Variants in RDX observed in about 807,000 individuals in gnomAD.
RDX encodes radixin, also known as deafness, autosomal recessive 24.
In RDX, 32 loss-of-function variants were observed where a neutral mutation model predicts 83.7. The observed-to-expected ratio is 0.38, with a 90% CI of 0.29 to 0.51. The LOEUF (loss-of-function observed/expected upper bound fraction) is 0.51. Ranked by LOEUF, RDX falls within the 20% of genes least tolerant of loss-of-function variation. RDX has a pLI of 0.87. For synonymous variants in RDX, 229 were observed against 222.7 expected, an observed-to-expected ratio of 1.03 and a Z score of -0.25; for missense variants, 600 against 689.9, an observed-to-expected ratio of 0.87 and a Z score of 1.46.
chr11:110,294,395 G>C (rs1319980471), intron 1 of RDX, among the ~76,000 whole-genome samples: 1 of 152,128 alleles, frequency 6.6e-6, no homozygotes, highest in African/African-American at 2.4e-5. Flanking sequence ...TGGGCTAACT[G>C]GATTAAAATA....
At chr11:110,290,970 T>C (rs1162675431) in intron 1 of RDX, among the ~76,000 whole-genome samples, 2 of 152,142 alleles carry the variant, frequency 1.3e-5, no homozygotes, top group East Asian at 1.9e-4. Flanking sequence ...CATATGACTA[T>C]CTGTAATGGA....
intron 15 of RDX, chr11:110,185,670 ACCACCTTCATCCTTGATAAAG>A (rs1299894849): frequency 6.6e-6 from 1 of 152,256 alleles, no homozygotes; most frequent in Admixed American, 6.5e-5. Flanking sequence ...AAGCTGTCAG[ACCACCTTCATCCTTGATAAAG>A]CTAGCACTAG....
At chr11:110,195,115 C>T (rs543552107) in intron 15 of RDX, among the ~76,000 whole-genome samples, 9 of 152,106 alleles carry the variant, frequency 5.9e-5, no homozygotes, top group Admixed American at 1.3e-4. Flanking sequence ...CTCAGCCTCC[C>T]GAGTAGCTGG....
chr11:110,280,484 A>C lies in RDX; in HGVS notation c.-64-728T>G, dbSNP rs527806160. 3.9e-5 allele frequency among the ~76,000 whole-genome samples: 6 copies of C among 152,354 alleles called. 1 individual carries two copies. The highest frequency in any genetic ancestry group is 1.4e-4 in the African/African-American group (6 of 41,586). ...AAGCTGTCTCAAACTCCTGGCCTCA[A>C]GCAATCCTCCCAACTGTGCCTCCCA... On this transcript the variant is annotated intron_variant, in intron 1 of 13. Transcript: ENST00000645495.
Position 110,237,587 on chromosome 11 carries a change from C to T in RDX, c.1156G>A (p.Ala386Thr). The T allele has an allele frequency of 2.5e-6, 4 of 1,614,178 alleles. No homozygotes were observed. The highest frequency in any genetic ancestry group is 1.7e-4 in the Middle Eastern group (1 of 6,048). ...DQERKRAKEE[A>T]ERLEKERRAA... ...CGACGCTCCTTTTCAAGTCGTTCTG[C>T]TTCTTCTTTTGCTCGTTTTCGTTCT... The change falls in exon 11 of 14, where the codon GCA (alanine) becomes ACA (threonine). Residue 386 changes from alanine (A) to threonine (T), a missense_variant. Ala to Thr is a moderately conservative substitution (Grantham distance 58, BLOSUM62 0). Transcript: ENST00000645495.
At position 110,242,697 on chromosome 11, in the gene RDX, G is replaced by A. The variant is rs546394263; in HGVS notation, c.1090+5006C>T. ...TATAAAAGTGTAAGTTTTAAAAAAT[G>A]TTTAAAATGAATTCTGAAAACATCA... On this transcript the variant is annotated intron_variant, in intron 10 of 13. Coordinates refer to ENST00000645495, the MANE Select transcript of RDX (RefSeq NM_002906.4). Among the ~76,000 whole-genome samples, 43 of 152,212 alleles carry A rather than the reference G, an allele frequency of 2.8e-4. 1 individual carries two copies. The South Asian group carries it at 7.0e-3, about 25-fold the overall frequency.
At chr11:110,260,509 T>C (rs1038881223) in intron 5 of RDX, among the ~76,000 whole-genome samples, 1 of 152,168 alleles carries the variant, frequency 6.6e-6, no homozygotes, top group African/African-American at 2.4e-5. Flanking sequence ...TGGCGCCATC[T>C]TGGCTCACTG....
intron 1 of RDX, among the ~76,000 whole-genome samples, chr11:110,290,527 CTT>C (rs1861196200): frequency 6.6e-6 from 1 of 150,824 alleles, no homozygotes; most frequent in Non-Finnish European, 1.5e-5. Context: ...AAAAAAAGCA[CTT>C]AACACACTTT....
chr11:110,190,563 C>A (rs1432226056), intron 15 of RDX, among the ~76,000 whole-genome samples: 1 of 152,050 alleles, frequency 6.6e-6, no homozygotes, highest in Admixed American at 6.6e-5. Flanking sequence ...CAAACTAACC[C>A]CCAAACTAGC....
At chr11:110,187,789 G>A (rs1231098325) in intron 15 of RDX, among the ~76,000 whole-genome samples, 1 of 152,254 alleles carries the variant, frequency 6.6e-6, no homozygotes, top group Non-Finnish European at 1.5e-5. Context: ...TGAGCAGGGA[G>A]TTCGGACCAT....
At chr11:110,221,601 A>ACAC in intron 14 of RDX, among the ~76,000 whole-genome samples, 1 of 133,508 alleles carries the variant, frequency 7.5e-6, no homozygotes, top group East Asian at 2.2e-4. Flanking sequence ...CTGTCTCCAA[A>ACAC]ACACACACAC....
At chr11:110,198,598 G>A (rs1012491613) in intron 15 of RDX, among the ~76,000 whole-genome samples, 3 of 152,114 alleles carry the variant, frequency 2.0e-5, no homozygotes, top group Non-Finnish European at 2.9e-5. Flanking sequence ...TTGTGCATGC[G>A]AGGGTTCCAC....
intron 10 of RDX, among the ~76,000 whole-genome samples, chr11:110,241,462 A>T (rs1173276912): frequency 6.6e-6 from 1 of 151,990 alleles, no homozygotes; most frequent in African/African-American, 2.4e-5. Context: ...ACACCCAGCT[A>T]ATTTTTTTAT....
chr11:110,279,157 C>T (rs2134421248), intron 2 of RDX, among the ~76,000 whole-genome samples: 1 of 152,286 alleles, frequency 6.6e-6, no homozygotes, highest in Middle Eastern at 3.4e-3. Flanking sequence ...TCTTCTAACC[C>T]TTACCATACT....
At chr11:110,214,758 A>T (rs371050580) in intron 14 of RDX, among the ~76,000 whole-genome samples, 1 of 76,496 alleles carries the variant, frequency 1.3e-5, no homozygotes, top group South Asian at 5.4e-4. Context: ...ACCAAACACC[A>T]CATATTCTCA....
chr11:110,229,551 C>T lies in RDX; in HGVS notation c.*2318G>A, dbSNP rs1372946381. 1 of 152,318 alleles carries T rather than the reference C, an allele frequency of 6.6e-6. No homozygotes were observed. 9.4% of individuals were successfully genotyped at this position (152,318 alleles called of 1,614,324 possible). The stretch of plus-strand genomic sequence containing the variant: ...CACAAAATTATGCTAATGGTAAAAG[C>T]CTACTGGGATTTACCAAATACTCAT... On this transcript the variant is annotated 3_prime_UTR_variant, in exon 14 of 14. Coordinates refer to ENST00000645495, the MANE Select transcript of RDX (RefSeq NM_002906.4).
chr11:110,240,533 G>A (rs976816875), intron 10 of RDX, among the ~76,000 whole-genome samples: 6 of 151,430 alleles, frequency 4.0e-5, no homozygotes, highest in Non-Finnish European at 8.8e-5. Context: ...CACGAGGTCA[G>A]GAGATCGAGA....
chr11:110,280,002 G>A (rs2134423344), intron 1 of RDX, among the ~76,000 whole-genome samples: 1 of 152,250 alleles, frequency 6.6e-6, no homozygotes, highest in Non-Finnish European at 1.5e-5. Context: ...CTAACCAGAA[G>A]TTTTAATTAC....
chr11:110,231,421 C>G lies in RDX; in HGVS notation c.*448G>C, dbSNP rs1218648761. Reference sequence around the variant, plus strand: ...GGTGGAATTATGGCTATGGACATGGCAGATAAGAGAAGGGCACACTGAGAA... The same window carrying G: ...GGTGGAATTATGGCTATGGACATGGGAGATAAGAGAAGGGCACACTGAGAA... On this transcript the variant is annotated 3_prime_UTR_variant, in exon 14 of 14. Coordinates refer to ENST00000645495, the MANE Select transcript of RDX (RefSeq NM_002906.4). 1 of 231,292 alleles carries G rather than the reference C, an allele frequency of 4.3e-6. No homozygotes were observed. Among genetic ancestry groups the G allele is most frequent in the African/African-American group, 2.3e-5 (1 of 43,676 alleles). 14.3% of individuals were successfully genotyped at this position (231,292 alleles called of 1,614,324 possible). A position where few individuals can be genotyped will look rare whatever the true frequency, so the allele number is the denominator to read the frequency against.
Sources: gnomAD v4.1 joint callset for allele counts (sites outside exome capture counted in the v4.1 genomes callset) on GRCh38, gnomAD v4.1.1 for gene constraint, MANE v1.5 for transcripts, NCBI Gene and HGNC (gene_info 2026-07-23, HGNC 2026-07-21) for gene names.